KAZN: variants seen among roughly 807,000 people sequenced by gnomAD.
KAZN encodes the protein kazrin, periplakin interacting protein.
In KAZN, 40 loss-of-function variants were observed where a neutral mutation model predicts 87.4. That is an observed-to-expected ratio of 0.46 (90% confidence interval 0.36 to 0.60). The LOEUF (loss-of-function observed/expected upper bound fraction) is 0.60, where lower values mean the gene tolerates loss of function less well. Ranked by LOEUF, KAZN falls within the 20% of genes least tolerant of loss-of-function variation. KAZN has a pLI of 0.00. For missense variants in KAZN, 898 were observed against 1,073.9 expected, an observed-to-expected ratio of 0.84 and a Z score of 2.29; for synonymous variants, 466 against 458.3, an observed-to-expected ratio of 1.02 and a Z score of -0.22.
chr1:14,099,933 C>T (rs2101641099), intron 1 of KAZN, among the ~76,000 whole-genome samples: 1 of 152,264 alleles, frequency 6.6e-6, no homozygotes, highest in African/African-American at 2.4e-5. Flanking sequence ...TACCTTTCTC[C>T]TTCCCTCCCT....
intron 1 of KAZN, among the ~76,000 whole-genome samples, chr1:14,035,489 T>C (rs1570580405): frequency 6.6e-6 from 1 of 151,302 alleles, no homozygotes; most frequent in East Asian, 1.9e-4. Flanking sequence ...AGACAGGTCC[T>C]CATTCTGTCT....
At chr1:14,200,156 CAAT>C (rs1328946664) in intron 2 of KAZN, among the ~76,000 whole-genome samples, 1 of 151,776 alleles carries the variant, frequency 6.6e-6, no homozygotes, top group Non-Finnish European at 1.5e-5. Context: ...AATAAAAATC[CAAT>C]AATATTTGAT....
intron 1 of KAZN, among the ~76,000 whole-genome samples, chr1:14,628,842 C>CTTTT (rs67908811): frequency 5.5e-5 from 7 of 126,820 alleles, no homozygotes; most frequent in Non-Finnish European, 8.3e-5. Flanking sequence ...CTTTCACATT[C>CTTTT]TTTTTTTTTT....
In KAZN at chr1:14,707,394, T is replaced by C. The variant is rs553854666; in HGVS notation, c.226+108171T>C. 2.6e-5 allele frequency among the ~76,000 whole-genome samples: 4 copies of C among 152,316 alleles called. No individual in the cohort carries two copies. In the South Asian group the frequency reaches 8.3e-4, roughly 32 times the overall value. On this transcript the variant is annotated intron_variant, in intron 1 of 14. Transcript: ENST00000376030. ...TCTGTCACAATAACCAGAGATGTAG[T>C]ATCTTCTCAAGTGTGGGAAACCACT...
At chr1:14,478,278 G>GAAGGAAGGAAGGAAGGA (rs565168333) in intron 2 of KAZN, among the ~76,000 whole-genome samples, 1 of 148,646 alleles carries the variant, frequency 6.7e-6, no homozygotes, top group African/African-American at 2.5e-5. Flanking sequence ...AGGAAGAAAG[G>GAAGGAAGGAAGGAAGGA]AAGGAAGGAA....
At chr1:13,954,757 C>G (rs1641480028) in intron 1 of KAZN, among the ~76,000 whole-genome samples, 1 of 152,152 alleles carries the variant, frequency 6.6e-6, no homozygotes, top group South Asian at 2.1e-4. Flanking sequence ...CATAATTTAT[C>G]CCTGTAATAC....
chr1:14,371,802 A>T (rs1266685825), intron 2 of KAZN, among the ~76,000 whole-genome samples: 1 of 152,206 alleles, frequency 6.6e-6, no homozygotes, highest in Non-Finnish European at 1.5e-5. Flanking sequence ...GAGAAAACCA[A>T]GAAACAGGAG....
chr1:14,524,506 C>G (rs544874365), intron 2 of KAZN, among the ~76,000 whole-genome samples: 3 of 152,140 alleles, frequency 2.0e-5, no homozygotes, highest in Non-Finnish European at 4.4e-5. Flanking sequence ...TCACCAGGCT[C>G]TCTTTGACTC....
intron 2 of KAZN, among the ~76,000 whole-genome samples, chr1:14,364,169 T>C (rs1055151502): frequency 6.6e-6 from 1 of 152,154 alleles, no homozygotes; most frequent in Non-Finnish European, 1.5e-5. Flanking sequence ...TGGTTGCACA[T>C]GTACCTTTTG....
At position 15,082,884 on chromosome 1, in the gene KAZN, G is replaced by T. The variant is rs887370080; in HGVS notation, c.1223-11296G>T. Among the ~76,000 whole-genome samples the T allele has an allele frequency of 3.9e-5, 6 of 152,234 alleles. No homozygotes were observed. The East Asian group carries it at 7.7e-4, about 20-fold the overall frequency. ...ATTTTTGTATTTTTAGGAGAGACAG[G>T]GTTTCATGTTGGCTAGGCTGGTCTC... On this transcript the variant is annotated intron_variant, in intron 8 of 14. Transcript: ENST00000376030.
At chr1:14,643,702 G>A (rs556465592) in intron 1 of KAZN, among the ~76,000 whole-genome samples, 2 of 152,298 alleles carry the variant, frequency 1.3e-5, no homozygotes, top group East Asian at 3.9e-4. Context: ...TTGCTGGGTT[G>A]AACAGTAGTT....
intron 1 of KAZN, among the ~76,000 whole-genome samples, chr1:14,685,618 T>C (rs1640909303): frequency 6.6e-6 from 1 of 152,210 alleles, no homozygotes; most frequent in South Asian, 2.1e-4. Flanking sequence ...GAGTCACTTG[T>C]GGTTAGTTTC....
At chr1:14,324,732 C>G (rs1471401598) in intron 2 of KAZN, among the ~76,000 whole-genome samples, 2 of 152,108 alleles carry the variant, frequency 1.3e-5, no homozygotes, top group Non-Finnish European at 2.9e-5. Flanking sequence ...ACTCTTATGG[C>G]CTTCATGTTT....
At chr1:14,625,377 G>A (rs113694104) in intron 1 of KAZN, among the ~76,000 whole-genome samples, 1,587 of 152,130 alleles carry the variant, frequency 0.01, 32 homozygotes, top group African/African-American at 0.035. Context: ...CCTACTATCC[G>A]AGGATAAAGC....
At chr1:14,078,851 A>C (rs538930492) in intron 1 of KAZN, among the ~76,000 whole-genome samples, 2 of 152,126 alleles carry the variant, frequency 1.3e-5, no homozygotes, top group South Asian at 4.2e-4. Context: ...CACCTGGCTA[A>C]TTTTTATATT....
intron 2 of KAZN, among the ~76,000 whole-genome samples, chr1:14,320,409 TCTGA>T (rs1655968257): frequency 6.6e-6 from 1 of 152,178 alleles, no homozygotes; most frequent in Admixed American, 6.6e-5. Context: ...GAATCACAAC[TCTGA>T]CTGAACTGGG....
At chr1:14,376,334 TTAGGAGGTAAC>T (rs1453022200) in intron 2 of KAZN, among the ~76,000 whole-genome samples, 18 of 152,172 alleles carry the variant, frequency 1.2e-4, no homozygotes, top group African/African-American at 2.2e-4. Context: ...GATGGGACCA[TTAGGAGGTAAC>T]TAGGAGGTAA....
chr1:14,185,521 A>G (rs1481288839), intron 2 of KAZN, among the ~76,000 whole-genome samples: 3 of 152,224 alleles, frequency 2.0e-5, no homozygotes, highest in African/African-American at 7.2e-5. Context: ...TGCAAAAGCA[A>G]TGCTTATTTT....
intron 2 of KAZN, among the ~76,000 whole-genome samples, chr1:14,296,142 T>C (rs1422492149): frequency 6.6e-6 from 1 of 152,226 alleles, no homozygotes; most frequent in African/African-American, 2.4e-5. Context: ...GTGTAAGCTA[T>C]CATTATTGAA....
Sources: gnomAD v4.1 joint callset for allele counts (sites outside exome capture counted in the v4.1 genomes callset) on GRCh38, gnomAD v4.1.1 for gene constraint, MANE v1.5 for transcripts, NCBI Gene and HGNC (gene_info 2026-07-23, HGNC 2026-07-21) for gene names.